Variants in ANKS1B observed in about 807,000 individuals in gnomAD.
The protein encoded by ANKS1B is ankyrin repeat and sterile alpha motif domain containing 1B.
Under a neutral mutation model 148.3 loss-of-function variants are expected in ANKS1B, and 36 were observed. The observed-to-expected ratio is 0.24, with a 90% CI of 0.19 to 0.32. The LOEUF is 0.32. ANKS1B is among the 10% of genes least tolerant of loss of function. The pLI is 1.00. For synonymous variants in ANKS1B, 542 were observed against 560.8 expected (o/e 0.97, Z 0.47); for missense variants, 1,157 against 1,542.6 (o/e 0.75, Z 4.19).
At chr12:99,213,224 G>A (rs1357731222) in intron 14 of ANKS1B, among the ~76,000 whole-genome samples, 2 of 152,150 alleles carry the variant, frequency 1.3e-5, no homozygotes, top group African/African-American at 4.8e-5. Context: ...GCATCCGCAC[G>A]GCCTGCTTCT....
At chr12:99,393,096 T>TGATAGACAGATA (rs2094131444) in intron 12 of ANKS1B, among the ~76,000 whole-genome samples, 2 of 150,558 alleles carry the variant, frequency 1.3e-5, no homozygotes, top group African/African-American at 4.9e-5. Context: ...GATAGACAGA[T>TGATAGACAGATA]GATAGATAGA....
At chr12:99,704,571 TAC>T (rs57979625) in intron 8 of ANKS1B, among the ~76,000 whole-genome samples, 81 of 150,870 alleles carry the variant, frequency 5.4e-4, no homozygotes, top group East Asian at 5.3e-3. Context: ...CACATACATA[TAC>T]ACACACACAC....
At chr12:98,915,359 G>A (rs1776392303) in intron 17 of ANKS1B, among the ~76,000 whole-genome samples, 2 of 119,066 alleles carry the variant, frequency 1.7e-5, no homozygotes, top group South Asian at 2.6e-4. Context: ...CTGTGAGACA[G>A]AATTTTTTTT....
chr12:99,751,727 T>G lies in ANKS1B; in HGVS notation c.1128+21195A>C, dbSNP rs1217854299. On this transcript the variant is annotated intron_variant, in intron 8 of 26. Coordinates refer to ENST00000683438, the MANE Select transcript of ANKS1B (RefSeq NM_001352186.2). ...CTCAAGGGGTTCACAGTCTAATATA[T>G]TCAAGAACAAGAAACAATCAGAATT... Among the ~76,000 whole-genome samples the G allele has an allele frequency of 2.6e-5, 4 of 152,082 alleles. No individual in the cohort carries two copies. The East Asian group carries it at 7.7e-4, about 29-fold the overall frequency.
chr12:99,925,454 T>C (rs2094458620), intron 1 of ANKS1B, among the ~76,000 whole-genome samples: 1 of 152,206 alleles, frequency 6.6e-6, no homozygotes, highest in African/African-American at 2.4e-5. Context: ...AATTCTTAAA[T>C]ATGACCTAGC....
chr12:98,902,450 T>C (rs972819285), intron 17 of ANKS1B, among the ~76,000 whole-genome samples: 9 of 152,188 alleles, frequency 5.9e-5, no homozygotes, highest in African/African-American at 1.7e-4. Context: ...TAATTATACA[T>C]CCCAAATTTC....
chr12:99,038,746 A>G (rs958171153), intron 17 of ANKS1B, among the ~76,000 whole-genome samples: 1 of 152,190 alleles, frequency 6.6e-6, no homozygotes, highest in African/African-American at 2.4e-5. Flanking sequence ...GTCCTGCCGC[A>G]GGGGATCTGC....
intron 1 of ANKS1B, among the ~76,000 whole-genome samples, chr12:99,963,645 T>C (rs150788190): frequency 2.0e-3 from 306 of 152,366 alleles, no homozygotes; most frequent in African/African-American, 6.9e-3. Flanking sequence ...AAGAGCTTCC[T>C]GGACGTTTCT....
chr12:99,032,699 C>T (rs1358762772), intron 17 of ANKS1B, among the ~76,000 whole-genome samples: 2 of 152,170 alleles, frequency 1.3e-5, no homozygotes, highest in Non-Finnish European at 2.9e-5. Flanking sequence ...TCTACTACAA[C>T]TCTAGAAAAT....
Position 98,950,370 on chromosome 12 carries a change from G to A in ANKS1B, c.2778+102787C>T, listed in dbSNP as rs570157902. On this transcript the variant is annotated intron_variant, in intron 17 of 26. Coordinates refer to ENST00000683438, the MANE Select transcript of ANKS1B (RefSeq NM_001352186.2). ...AAACTAGCAGGGCATGGTGGTGCCCGCCTGTAATCCCAGCTACTTAGGAGG... is the reference window on the plus strand; with the variant it reads ...AAACTAGCAGGGCATGGTGGTGCCCACCTGTAATCCCAGCTACTTAGGAGG... Among the ~76,000 whole-genome samples, 665 of 152,182 alleles carry A rather than the reference G, an allele frequency of 4.4e-3. 8 individuals carry two copies. The highest frequency in any genetic ancestry group is 0.034 in the Middle Eastern group (10 of 294).
chr12:99,558,764 T>C (rs898412855), intron 9 of ANKS1B, among the ~76,000 whole-genome samples: 4 of 152,140 alleles, frequency 2.6e-5, no homozygotes, highest in African/African-American at 9.7e-5. Context: ...ACCACCCTGC[T>C]CTATCCAGGT....
At chr12:99,464,548 A>C (rs1047648173) in intron 10 of ANKS1B, among the ~76,000 whole-genome samples, 1 of 152,184 alleles carries the variant, frequency 6.6e-6, no homozygotes, top group African/African-American at 2.4e-5. Flanking sequence ...CTTTGAAAAA[A>C]ATTTAGATGA....
intron 22 of ANKS1B, among the ~76,000 whole-genome samples, chr12:98,782,705 A>T (rs2098749386): frequency 6.6e-6 from 1 of 152,216 alleles, no homozygotes; most frequent in Admixed American, 6.5e-5. Flanking sequence ...TTTCAAAAAC[A>T]ATGGCTTACT....
At chr12:99,547,401 C>G (rs1412392094) in intron 9 of ANKS1B, among the ~76,000 whole-genome samples, 1 of 152,066 alleles carries the variant, frequency 6.6e-6, no homozygotes, top group Admixed American at 6.6e-5. Context: ...GATCCAACCC[C>G]TAATTCATAA....
chr12:98,766,404 T>C (rs777772110), intron 25 of ANKS1B, among the ~76,000 whole-genome samples: 1 of 152,244 alleles, frequency 6.6e-6, no homozygotes, highest in Non-Finnish European at 1.5e-5. Flanking sequence ...GAGTTTCAGC[T>C]GGCTGGACAG....
intron 19 of ANKS1B, among the ~76,000 whole-genome samples, chr12:98,813,568 G>A (rs1490619199): frequency 1.4e-5 from 2 of 145,040 alleles, no homozygotes; most frequent in Non-Finnish European, 3.0e-5. Context: ...TTGGAGACAG[G>A]GTCTTGCTCT....
chr12:99,651,103 T>C (rs2098416365), intron 9 of ANKS1B, among the ~76,000 whole-genome samples: 1 of 152,180 alleles, frequency 6.6e-6, no homozygotes, highest in African/African-American at 2.4e-5. Context: ...CATAGTACTG[T>C]ACTAATTGTA....
At chr12:99,355,646 C>T (rs537780087) in intron 12 of ANKS1B, among the ~76,000 whole-genome samples, 1 of 152,224 alleles carries the variant, frequency 6.6e-6, no homozygotes, top group African/African-American at 2.4e-5. Flanking sequence ...TAATAGTTTG[C>T]CCCCTTATAA....
chr12:99,243,320 C>T (rs1335965864), intron 14 of ANKS1B, among the ~76,000 whole-genome samples: 1 of 152,174 alleles, frequency 6.6e-6, no homozygotes, highest in Non-Finnish European at 1.5e-5. Flanking sequence ...ATCAAAACCA[C>T]AGTGAGATAC....
Sources: gnomAD v4.1 joint callset for allele counts (sites outside exome capture counted in the v4.1 genomes callset) on GRCh38, gnomAD v4.1.1 for gene constraint, MANE v1.5 for transcripts, NCBI Gene and HGNC (gene_info 2026-07-23, HGNC 2026-07-21) for gene names.